Variants in PCTP observed in about 807,000 individuals in gnomAD.
PCTP encodes phosphatidylcholine transfer protein, also known as START domain-containing protein 2.
A neutral mutation model predicts 31.0 loss-of-function variants in PCTP; 27 were observed. That is an observed-to-expected ratio of 0.87 (90% CI 0.64 to 1.20). PCTP has a LOEUF of 1.20. Ranked by LOEUF, PCTP falls within the 50% of genes most tolerant of loss-of-function variation. PCTP has a pLI of 0.00. For missense variants in PCTP, 287 were observed against 268.2 expected, an observed-to-expected ratio of 1.07 and a Z score of -0.49; for synonymous variants, 108 against 101.2, an observed-to-expected ratio of 1.07 and a Z score of -0.40.
At chr17:55,781,734 G>A (rs940771521), downstream of PCTP, among the ~76,000 whole-genome samples, 1 of 146,914 alleles carries the variant, frequency 6.8e-6, no homozygotes, top group Admixed American at 6.7e-5. Context: ...ACTGAATACT[G>A]TAGGCAATTA....
chr17:55,845,402 G>T (rs1906114786), downstream of PCTP, among the ~76,000 whole-genome samples: 1 of 152,076 alleles, frequency 6.6e-6, no homozygotes, highest in South Asian at 2.1e-4. Context: ...AGGCCCTAGC[G>T]TCTCTCCATC....
Position 55,751,151 on chromosome 17 carries a change from C to A in PCTP, c.48C>A (p.Ala16=). The A allele has an allele frequency of 6.5e-7, 1 of 1,547,964 alleles. No individual in the cohort carries two copies. Among genetic ancestry groups the A allele is most frequent in the Non-Finnish European group, 8.7e-7 (1 of 1,146,022 alleles). The part of the protein sequence containing the change: ...GSFSEEQFWE[A]CAELQQPALA... ...TCTCGGAGGAGCAGTTCTGGGAGGC[C>A]TGCGCCGAGCTCCAGCAGCCCGCTC... Residue 16 remains alanine, a synonymous_variant, in exon 1 of 6, where the codon GCC becomes GCA. Coordinates refer to ENST00000268896, the MANE Select transcript of PCTP (RefSeq NM_021213.4).
intron 5 of PCTP, among the ~76,000 whole-genome samples, chr17:55,831,522 G>C (rs563440147): frequency 3.3e-5 from 5 of 152,180 alleles, no homozygotes; most frequent in Non-Finnish European, 7.3e-5. Flanking sequence ...ACCTGGGTTA[G>C]TATTTGCGAA....
intron 3 of PCTP, among the ~76,000 whole-genome samples, chr17:55,791,805 G>A (rs1199634755): frequency 6.6e-6 from 1 of 151,914 alleles, no homozygotes; most frequent in Non-Finnish European, 1.5e-5. Context: ...CCCATTACTG[G>A]GTATATACCC....
intron 5 of PCTP, among the ~76,000 whole-genome samples, chr17:55,836,935 C>T (rs144180705): frequency 1.3e-5 from 2 of 152,184 alleles, no homozygotes; most frequent in Admixed American, 6.6e-5. Context: ...CTAACCTAGT[C>T]GATGGTGGAG....
downstream of PCTP, among the ~76,000 whole-genome samples, chr17:55,827,963 T>TA (rs1374665171): frequency 6.6e-6 from 1 of 152,184 alleles, no homozygotes; most frequent in Non-Finnish European, 1.5e-5. Flanking sequence ...TAGTTTTTGA[T>TA]AGAGCTGAAT....
chr17:55,792,856 C>T (rs1912050826), intron 3 of PCTP, among the ~76,000 whole-genome samples: 1 of 152,070 alleles, frequency 6.6e-6, no homozygotes, highest in Non-Finnish European at 1.5e-5. Context: ...AATTTTTAAG[C>T]AATAGAGATG....
intron 2 of PCTP, among the ~76,000 whole-genome samples, chr17:55,784,828 C>G (rs1051383814): frequency 1.3e-5 from 2 of 152,246 alleles, no homozygotes; most frequent in East Asian, 3.8e-4. Flanking sequence ...ATATTACTTA[C>G]GATCTGGCCC....
At chr17:55,814,849 G>A (rs971919788) in intron 3 of PCTP, among the ~76,000 whole-genome samples, 1 of 152,218 alleles carries the variant, frequency 6.6e-6, no homozygotes, top group Non-Finnish European at 1.5e-5. Flanking sequence ...CAGGGGACAG[G>A]ATTGTGTCAT....
intron 1 of PCTP, among the ~76,000 whole-genome samples, chr17:55,765,564 A>T (rs926631572): frequency 6.6e-6 from 1 of 152,160 alleles, no homozygotes; most frequent in Non-Finnish European, 1.5e-5. Context: ...TCAAATCACC[A>T]TCATTTCTTA....
chr17:55,787,130 G>A (rs908375815), intron 2 of PCTP, among the ~76,000 whole-genome samples: 4 of 151,276 alleles, frequency 2.6e-5, no homozygotes, highest in African/African-American at 4.9e-5. Flanking sequence ...AACATCGATC[G>A]TCTTCATTGT....
In PCTP at chr17:55,776,786, C is replaced by A; in HGVS notation, c.*686C>A. 2.8e-6 allele frequency: 3 copies of A among 1,079,704 alleles called. No homozygotes were observed. Among genetic ancestry groups the A allele is most frequent in the Non-Finnish European group, 3.4e-6 (3 of 891,688 alleles). The allele number at this position is 1,079,704 out of a possible 1,614,324, so 66.9% of individuals were successfully genotyped here. On this transcript the variant is annotated 3_prime_UTR_variant, in exon 6 of 6. Coordinates refer to ENST00000268896, the MANE Select transcript of PCTP (RefSeq NM_021213.4). ...CCTGACCGGACACATAATATGACAACCACATTTTTCCTCATCATCCATGAG... is the reference window on the plus strand; with the variant it reads ...CCTGACCGGACACATAATATGACAAACACATTTTTCCTCATCATCCATGAG...
chr17:55,773,869 A>G lies in PCTP; in HGVS notation c.485A>G (p.Glu162Gly), dbSNP rs1218138610. 3 of 1,609,036 alleles carry G rather than the reference A, an allele frequency of 1.9e-6. No individual in the cohort carries two copies. Among genetic ancestry groups the G allele is most frequent in the Non-Finnish European group, 2.5e-6 (3 of 1,176,960 alleles). ...VKQYKQSLAI[E>G]SDGKKGSKVF... Reference sequence around the variant, plus strand: ...CAATACAAGCAGAGCCTGGCGATCGAGAGTGACGGCAAGAAGGGGAGCAAA... The same window carrying G: ...CAATACAAGCAGAGCCTGGCGATCGGGAGTGACGGCAAGAAGGGGAGCAAA... The change falls in exon 4 of 6, where the codon GAG (glutamate) becomes GGG (glycine). Residue 162 changes from glutamate to glycine, a missense_variant. Physicochemically the swap from Glu to Gly is moderately conservative, Grantham distance 98. Transcript: ENST00000268896.
chr17:55,819,363 C>T (rs570471556), intron 3 of PCTP, among the ~76,000 whole-genome samples: 12 of 152,250 alleles, frequency 7.9e-5, no homozygotes, highest in Admixed American at 7.2e-4. Context: ...AAAAGCAAAA[C>T]TATCTGAGGA....
the PCTP span, among the ~76,000 whole-genome samples, chr17:55,848,190 G>A: frequency 8.5e-5 from 13 of 152,152 alleles, no homozygotes; most frequent in East Asian, 3.9e-4. Flanking sequence ...GATTACAGGC[G>A]TGAGCCACCG....
intron 3 of PCTP, 85 bp downstream of exon 3, chr17:55,771,270 C>T: frequency 9.4e-7 from 1 of 1,060,454 alleles, no homozygotes. Context: ...AGAGGTAGAG[C>T]TGGTTTCTCA....
intron 5 of PCTP, among the ~76,000 whole-genome samples, chr17:55,838,189 T>C (rs1905839898): frequency 6.6e-6 from 1 of 151,948 alleles, no homozygotes; most frequent in Admixed American, 6.6e-5. Context: ...TTCAATCCTG[T>C]TTAACATCTT....
At chr17:55,848,959 A>G in the PCTP span, among the ~76,000 whole-genome samples, 1 of 152,224 alleles carries the variant, frequency 6.6e-6, no homozygotes, top group Non-Finnish European at 1.5e-5. Context: ...TAGTGGTATA[A>G]CTCAGTCTCC....
chr17:55,774,662 C>T (rs1434063015), intron 4 of PCTP, 130 bp from the exon 5 acceptor site: 1 of 722,850 alleles, frequency 1.4e-6, no homozygotes, highest in African/African-American at 1.8e-5. Flanking sequence ...AGAAGTCCAT[C>T]TGAATTATAT....
Sources: allele counts gnomAD v4.1 joint callset (sites outside exome capture counted in the v4.1 genomes callset), GRCh38; gene constraint gnomAD v4.1.1; transcripts MANE v1.5; gene names NCBI Gene and HGNC (gene_info 2026-07-23, HGNC 2026-07-21).